ZNF385D: variants seen among roughly 807,000 people sequenced by gnomAD.
The protein encoded by ZNF385D is zinc finger protein 659.
Under a neutral mutation model 35.8 loss-of-function variants are expected in ZNF385D, and 15 were observed. That is an observed-to-expected ratio of 0.42 (90% confidence interval 0.28 to 0.64). The LOEUF (loss-of-function observed/expected upper bound fraction) is 0.64. Ranked by LOEUF, ZNF385D falls within the 30% of genes least tolerant of loss-of-function variation. The probability of loss-of-function intolerance (pLI) is 0.23; values close to 1 mark genes in which losing one functional copy is unlikely to be tolerated. For synonymous variants in ZNF385D, 212 were observed against 186.8 expected, an observed-to-expected ratio of 1.13 and a Z score of -1.10; for missense variants, 474 against 494.6, an observed-to-expected ratio of 0.96 and a Z score of 0.39.
chr3:22,288,287 C>T (rs1304360090), intron 2 of ZNF385D, among the ~76,000 whole-genome samples: 1 of 151,948 alleles, frequency 6.6e-6, no homozygotes, highest in Admixed American at 6.6e-5. Context: ...TTCTATTTTC[C>T]TTCTCAGTCT....
intron 3 of ZNF385D, among the ~76,000 whole-genome samples, chr3:22,099,887 G>A (rs1442342633): frequency 6.8e-6 from 1 of 146,864 alleles, no homozygotes; most frequent in East Asian, 2.0e-4. Context: ...TTAGGCCAAA[G>A]AACTGAGATC....
At chr3:21,975,753 A>G (rs1220365060) in intron 3 of ZNF385D, among the ~76,000 whole-genome samples, 1 of 113,708 alleles carries the variant, frequency 8.8e-6, no homozygotes, top group Non-Finnish European at 1.6e-5. Flanking sequence ...ATATATATAT[A>G]TACACACACT....
chr3:21,821,598 T>C (rs986333657), intron 3 of ZNF385D, among the ~76,000 whole-genome samples: 2 of 152,212 alleles, frequency 1.3e-5, no homozygotes, highest in African/African-American at 2.4e-5. Context: ...ATTGTACTTA[T>C]GCAAAGATAT....
At chr3:22,147,294 G>T (rs756916069) in intron 3 of ZNF385D, among the ~76,000 whole-genome samples, 6 of 152,124 alleles carry the variant, frequency 3.9e-5, no homozygotes, top group African/African-American at 1.2e-4. Context: ...TTTATAGGAG[G>T]TTTGTGGGGG....
chr3:22,230,895 C>G (rs966213844), intron 2 of ZNF385D, among the ~76,000 whole-genome samples: 1 of 152,038 alleles, frequency 6.6e-6, no homozygotes, highest in Admixed American at 6.6e-5. Context: ...AGAAATAACT[C>G]AGGAAAAAGA....
intron 2 of ZNF385D, among the ~76,000 whole-genome samples, chr3:22,194,214 T>G (rs1398999780): frequency 6.6e-6 from 1 of 151,940 alleles, no homozygotes; most frequent in African/African-American, 2.4e-5. Flanking sequence ...ATTTTTAATT[T>G]TGCATAAGCC....
intron 3 of ZNF385D, among the ~76,000 whole-genome samples, chr3:22,157,846 T>C (rs558075775): frequency 6.6e-6 from 1 of 152,284 alleles, no homozygotes; most frequent in South Asian, 2.1e-4. Flanking sequence ...CTGATACAAG[T>C]AGTTGTAAAC....
At chr3:22,206,272 A>T (rs777643214) in intron 2 of ZNF385D, among the ~76,000 whole-genome samples, 12 of 152,012 alleles carry the variant, frequency 7.9e-5, no homozygotes, top group African/African-American at 1.2e-4. Context: ...GAACACCCAG[A>T]TATATAAAGC....
chr3:22,050,090 G>T (rs969653221), intron 3 of ZNF385D, among the ~76,000 whole-genome samples: 1 of 152,080 alleles, frequency 6.6e-6, no homozygotes, highest in Admixed American at 6.5e-5. Flanking sequence ...TTGGGGCTGG[G>T]TGCAGTGGCT....
At chr3:22,240,339 C>T (rs929161298) in intron 2 of ZNF385D, among the ~76,000 whole-genome samples, 1 of 150,924 alleles carries the variant, frequency 6.6e-6, no homozygotes, top group Admixed American at 6.6e-5. Flanking sequence ...CACACATAAC[C>T]CACAAACTAA....
chr3:21,950,084 G>A (rs1701992390), intron 3 of ZNF385D, among the ~76,000 whole-genome samples: 1 of 151,912 alleles, frequency 6.6e-6, no homozygotes, highest in South Asian at 2.1e-4. Context: ...TAATGGGATT[G>A]TTGAGTTAAA....
At chr3:22,107,026 G>GTTTTTTTTTTTTT (rs10676871) in intron 3 of ZNF385D, among the ~76,000 whole-genome samples, 14 of 118,820 alleles carry the variant, frequency 1.2e-4, no homozygotes, top group Admixed American at 1.7e-4. Flanking sequence ...TGGAATGAGA[G>GTTTTTTTTTTTTT]TTTTTTTTTT....
intron 2 of ZNF385D, among the ~76,000 whole-genome samples, chr3:22,342,788 T>C (rs1473373016): frequency 1.3e-5 from 2 of 152,182 alleles, no homozygotes; most frequent in East Asian, 1.9e-4. Context: ...TCCAATGGAT[T>C]ATAATTAAGT....
At chr3:21,427,562 C>T (rs1259131429) in intron 5 of ZNF385D, among the ~76,000 whole-genome samples, 2 of 152,050 alleles carry the variant, frequency 1.3e-5, no homozygotes, top group Admixed American at 6.6e-5. Flanking sequence ...CTTGTCTCAG[C>T]ATTGAGTATT....
intron 2 of ZNF385D, among the ~76,000 whole-genome samples, chr3:22,210,473 C>T (rs576346085): frequency 6.6e-6 from 1 of 151,850 alleles, no homozygotes; most frequent in East Asian, 1.9e-4. Context: ...CTAAAGAATC[C>T]ATACAGCTGA....
At chr3:21,992,243 G>C (rs953439606) in intron 3 of ZNF385D, among the ~76,000 whole-genome samples, 1 of 151,858 alleles carries the variant, frequency 6.6e-6, no homozygotes, top group African/African-American at 2.4e-5. Context: ...AGAAGTCAAA[G>C]ATCAGAAAAG....
At chr3:21,867,268 G>A (rs1470557207) in intron 3 of ZNF385D, among the ~76,000 whole-genome samples, 1 of 152,026 alleles carries the variant, frequency 6.6e-6, no homozygotes, top group African/African-American at 2.4e-5. Context: ...CTCCCATTAG[G>A]CCTCGTCTCC....
chr3:22,207,151 T>C (rs1697210492), intron 2 of ZNF385D, among the ~76,000 whole-genome samples: 1 of 151,900 alleles, frequency 6.6e-6, no homozygotes, highest in African/African-American at 2.4e-5. Context: ...TTTGAAAACA[T>C]ACAAGAAATG....
At chr3:22,062,334 C>A (rs758119133) in intron 3 of ZNF385D, among the ~76,000 whole-genome samples, 1 of 152,112 alleles carries the variant, frequency 6.6e-6, no homozygotes, top group Non-Finnish European at 1.5e-5. Context: ...GAATTACAGC[C>A]GTGAGTCACT....
Sources: allele counts gnomAD v4.1 joint callset (sites outside exome capture counted in the v4.1 genomes callset), GRCh38; gene constraint gnomAD v4.1.1; transcripts MANE v1.5; gene names NCBI Gene and HGNC (gene_info 2026-07-23, HGNC 2026-07-21).